The following ELP4 variants were observed in gnomAD, a reference collection of about 807,000 sequenced individuals.
ELP4 encodes the protein elongator complex protein 4.
A neutral mutation model predicts 48.9 loss-of-function variants in ELP4; 51 were observed. The observed-to-expected ratio is 1.04, with a 90% CI of 0.83 to 1.32. The LOEUF (loss-of-function observed/expected upper bound fraction) is 1.32. Ranked by LOEUF, ELP4 falls within the 40% of genes most tolerant of loss-of-function variation. ELP4 has a pLI of 0.00. For missense variants in ELP4, 519 were observed against 514.6 expected (o/e 1.01, Z -0.08); for synonymous variants, 210 against 189.2 (o/e 1.11, Z -0.90).
chr11:31,632,376 A>G lies in ELP4; in HGVS notation c.898A>G (p.Ile300Val), dbSNP rs34804357. The G allele has an allele frequency of 3.7e-6, 6 of 1,611,978 alleles. No homozygotes were observed. In the African/African-American group the frequency reaches 4.0e-5, roughly 11 times the overall value. ...TCTGAGAACCTCTCTTTCAGCCTGC[A>G]TCATCACAATGCCAACACATCTGAT... ...GLLRTSLSAC[I>V]ITMPTHLIQN... Residue 300 changes from isoleucine to valine, a missense_variant, in exon 7 of 10, where the codon ATC becomes GTC. Transcript: ENST00000640961.
At chr11:31,778,333 T>A (rs1430097998) in intron 9 of ELP4, among the ~76,000 whole-genome samples, 1 of 152,204 alleles carries the variant, frequency 6.6e-6, no homozygotes, top group Non-Finnish European at 1.5e-5. Flanking sequence ...TTGCTTTATA[T>A]GTCTGTAAGG....
intron 5 of ELP4, among the ~76,000 whole-genome samples, chr11:31,607,661 G>T (rs950504306): frequency 6.6e-6 from 1 of 152,190 alleles, no homozygotes; most frequent in African/African-American, 2.4e-5. Context: ...CTGATCTGAC[G>T]ATGTTAGTTC....
At chr11:31,654,526 C>G (rs1945386993) in intron 9 of ELP4, 1 of 151,582 alleles carries the variant, frequency 6.6e-6, no homozygotes, top group Non-Finnish European at 1.5e-5. Context: ...GATTTATTCT[C>G]AAGTATTAAG....
intron 9 of ELP4, among the ~76,000 whole-genome samples, chr11:31,684,429 A>G (rs969329416): frequency 2.0e-5 from 3 of 151,966 alleles, no homozygotes; most frequent in Non-Finnish European, 4.4e-5. Flanking sequence ...CTGGTCTCGA[A>G]CTCCTGACCT....
intron 9 of ELP4, among the ~76,000 whole-genome samples, chr11:31,754,292 C>T (rs1947787739): frequency 6.6e-6 from 1 of 152,130 alleles, no homozygotes; most frequent in Non-Finnish European, 1.5e-5. Flanking sequence ...AGTGGCTTCT[C>T]ATTAAAATCC....
In ELP4 at chr11:31,521,286, GT is replaced by G. The variant is rs534201806; in HGVS notation, c.259+1207del. 8.9e-4 allele frequency among the ~76,000 whole-genome samples: 128 copies of G among 143,130 alleles called. 1 individual carries two copies. The highest frequency in any genetic ancestry group is 2.4e-3 in the South Asian group (11 of 4,538). The allele number at this position is 143,130 out of a possible 152,430, so 93.9% of individuals were successfully genotyped here. On this transcript the variant is annotated intron_variant, in intron 2 of 9. Coordinates refer to ENST00000640961, the MANE Select transcript of ELP4 (RefSeq NM_019040.5). ...TCATACATTATGCAAAGTGCATTAT[GT>G]TTTTTTTTTTTAGCTTAATACAACA...
chr11:31,549,182 C>T (rs1251911292), intron 3 of ELP4, among the ~76,000 whole-genome samples: 16 of 151,126 alleles, frequency 1.1e-4, no homozygotes, highest in Non-Finnish European at 2.2e-4. Flanking sequence ...AAGAAACTAC[C>T]ATCAGAGTGA....
At chr11:31,542,242 G>T (rs746438025) in intron 3 of ELP4, among the ~76,000 whole-genome samples, 1 of 152,172 alleles carries the variant, frequency 6.6e-6, no homozygotes, top group Non-Finnish European at 1.5e-5. Flanking sequence ...GCAAAGAAGA[G>T]AAATACAAGA....
intron 7 of ELP4, among the ~76,000 whole-genome samples, chr11:31,643,130 C>T (rs1945132722): frequency 6.6e-6 from 1 of 151,722 alleles, no homozygotes; most frequent in South Asian, 2.1e-4. Context: ...CGCTCTCTCC[C>T]AACACACAAC....
intron 6 of ELP4, among the ~76,000 whole-genome samples, chr11:31,631,115 C>A (rs1465385061): frequency 1.3e-5 from 2 of 152,042 alleles, no homozygotes; most frequent in African/African-American, 4.8e-5. Flanking sequence ...GTGTTGTATT[C>A]ATTTTTCTTC....
chr11:31,578,264 A>G (rs534430750), intron 3 of ELP4, among the ~76,000 whole-genome samples: 1 of 152,336 alleles, frequency 6.6e-6, no homozygotes, highest in Non-Finnish European at 1.5e-5. Context: ...AAGGAGAACT[A>G]CAAACCACTG....
At chr11:31,782,258 TG>T (rs1948394698) in intron 9 of ELP4, among the ~76,000 whole-genome samples, 1 of 152,234 alleles carries the variant, frequency 6.6e-6, no homozygotes, top group African/African-American at 2.4e-5. Flanking sequence ...CTGGAGCATA[TG>T]CTTGTGGACC....
chr11:31,580,614 C>A (rs768446030), intron 3 of ELP4: 31 of 153,118 alleles, frequency 2.0e-4, no homozygotes, highest in South Asian at 4.1e-4. Context: ...CACGCTGTCT[C>A]TCTTGCTCTC....
intron 9 of ELP4, among the ~76,000 whole-genome samples, chr11:31,683,150 A>G (rs2134126009): frequency 6.6e-6 from 1 of 152,198 alleles, no homozygotes; most frequent in African/African-American, 2.4e-5. Context: ...TTTTATTAAC[A>G]TTAGCCTGTA....
intron 2 of ELP4, among the ~76,000 whole-genome samples, chr11:31,539,212 C>T (rs747213926): frequency 6.8e-4 from 103 of 152,148 alleles, no homozygotes; most frequent in Non-Finnish European, 9.8e-4. Context: ...CGCCTGTAAT[C>T]CCAGCACTTT....
chr11:31,601,659 G>A lies in ELP4; in HGVS notation c.514-2109G>A, dbSNP rs551641746. On this transcript the variant is annotated intron_variant, in intron 4 of 9. Transcript: ENST00000640961. The stretch of plus-strand genomic sequence containing the variant: ...GGCAATTTAGCATATTTCTCTGAGT[G>A]CATAGGACTTCAAGAACTTTCAGTC... Among the ~76,000 whole-genome samples, 34 of 152,204 alleles carry A rather than the reference G, an allele frequency of 2.2e-4. No homozygotes were observed. The South Asian group carries it at 6.2e-3, about 28-fold the overall frequency.
At chr11:31,662,808 A>G (rs1257015653) in intron 9 of ELP4, 5 of 367,316 alleles carry the variant, frequency 1.4e-5, no homozygotes, top group African/African-American at 2.1e-5. Context: ...AATAGTCTGC[A>G]TTAATGTCTC....
intron 2 of ELP4, among the ~76,000 whole-genome samples, chr11:31,520,666 AATTC>A (rs1956197929): frequency 6.6e-6 from 1 of 152,088 alleles, no homozygotes; most frequent in African/African-American, 2.4e-5. Flanking sequence ...ATTAATATTT[AATTC>A]ATGTATCTGT....
At chr11:31,536,257 A>G (rs900769625) in intron 2 of ELP4, among the ~76,000 whole-genome samples, 5 of 151,980 alleles carry the variant, frequency 3.3e-5, no homozygotes, top group African/African-American at 7.2e-5. Flanking sequence ...TATATTTTCA[A>G]CTCTCATGGG....
Sources: allele counts gnomAD v4.1 joint callset (sites outside exome capture counted in the v4.1 genomes callset), GRCh38; gene constraint gnomAD v4.1.1; transcripts MANE v1.5; gene names NCBI Gene and HGNC (gene_info 2026-07-23, HGNC 2026-07-21).